Variants in MACROD2 observed in about 807,000 individuals in gnomAD.
MACROD2 encodes the protein ADP-ribose glycohydrolase MACROD2.
A neutral mutation model predicts 70.4 loss-of-function variants in MACROD2; 36 were observed. The ratio of observed to expected loss-of-function variants is 0.51; its 90% CI spans 0.39 to 0.68. The LOEUF is 0.68. Among genes scored for constraint, MACROD2 ranks in the 30% least tolerant of loss-of-function variants. The probability of loss-of-function intolerance (pLI) is 0.00; values close to 1 mark genes in which losing one functional copy is unlikely to be tolerated. For missense variants in MACROD2, 496 were observed against 538.4 expected (o/e 0.92, Z 0.78); for synonymous variants, 172 against 178.8 (o/e 0.96, Z 0.30).
At chr20:15,683,733 C>T (rs557270805) in intron 8 of MACROD2, among the ~76,000 whole-genome samples, 3 of 152,180 alleles carry the variant, frequency 2.0e-5, no homozygotes, top group African/African-American at 7.2e-5. Context: ...CATGTACCAC[C>T]ACGCCCAGCT....
chr20:14,688,255 T>C (rs1184947979), intron 5 of MACROD2, among the ~76,000 whole-genome samples: 1 of 152,198 alleles, frequency 6.6e-6, no homozygotes, highest in African/African-American at 2.4e-5. Flanking sequence ...AATATCTTCA[T>C]GCATCAGCAA....
chr20:15,718,461 A>C (rs983883933), intron 8 of MACROD2, among the ~76,000 whole-genome samples: 1 of 152,182 alleles, frequency 6.6e-6, no homozygotes, highest in African/African-American at 2.4e-5. Flanking sequence ...CGAGGACATG[A>C]AGTTATTTTG....
chr20:14,088,394 A>G (rs910939722), intron 3 of MACROD2, among the ~76,000 whole-genome samples: 3 of 151,876 alleles, frequency 2.0e-5, no homozygotes, highest in Non-Finnish European at 4.4e-5. Flanking sequence ...ACATCAATAT[A>G]TATAGACACA....
intron 5 of MACROD2, among the ~76,000 whole-genome samples, chr20:15,102,980 C>T (rs374363): frequency 0.82 from 125,149 of 152,074 alleles, 52,546 homozygotes; most frequent in Non-Finnish European, 0.9. Context: ...ATGTTTAAAA[C>T]ATACAGTGAT....
chr20:14,436,451 G>C (rs1284542300), intron 3 of MACROD2, among the ~76,000 whole-genome samples: 5 of 152,160 alleles, frequency 3.3e-5, no homozygotes, highest in African/African-American at 1.2e-4. Context: ...TTTGCTGGCT[G>C]TAAATTATGT....
At chr20:14,071,278 T>TTTTTTA (rs2053837190) in intron 2 of MACROD2, among the ~76,000 whole-genome samples, 4 of 133,376 alleles carry the variant, frequency 3.0e-5, no homozygotes, top group Admixed American at 7.8e-5. Context: ...TTTTTTTTTT[T>TTTTTTA]GAGATGGAGT....
chr20:15,670,758 A>G (rs924422294), intron 8 of MACROD2, among the ~76,000 whole-genome samples: 1 of 152,200 alleles, frequency 6.6e-6, no homozygotes, highest in Non-Finnish European at 1.5e-5. Flanking sequence ...ATTCATATAT[A>G]TCATATCAAC....
rs141814255 is a variant in MACROD2 at position 15,981,039 on chromosome 20, C to T, written c.986-5688C>T. Among the ~76,000 whole-genome samples, 917 of 152,262 alleles carry T rather than the reference C, an allele frequency of 6.0e-3. 10 individuals are homozygous for T. Among genetic ancestry groups the T allele is most frequent in the Middle Eastern group, 0.017 (5 of 294 alleles). ...TTTTTAATTACTTATGGCTATGCTT[C>T]GTTTTCCGCAGGAAGCATAGACAGG... On this transcript the variant is annotated intron_variant, in intron 13 of 17. Transcript: ENST00000684519.
chr20:15,210,944 G>A (rs2076758197), intron 5 of MACROD2, among the ~76,000 whole-genome samples: 1 of 152,148 alleles, frequency 6.6e-6, no homozygotes, highest in South Asian at 2.1e-4. Flanking sequence ...TTTCTTTATA[G>A]CAGTACGAGA....
At chr20:14,377,624 C>T (rs1339832242) in intron 3 of MACROD2, among the ~76,000 whole-genome samples, 22 of 152,164 alleles carry the variant, frequency 1.4e-4, no homozygotes, top group Admixed American at 6.5e-4. Flanking sequence ...TCTTCACGTG[C>T]AGATCTTTTT....
At chr20:14,307,200 A>G (rs778672089) in intron 3 of MACROD2, among the ~76,000 whole-genome samples, 12 of 152,156 alleles carry the variant, frequency 7.9e-5, no homozygotes, top group Non-Finnish European at 1.0e-4. Context: ...TATTAATTTA[A>G]TAAAGTTGAC....
At chr20:14,287,421 T>A (rs887242262) in intron 3 of MACROD2, among the ~76,000 whole-genome samples, 2 of 147,614 alleles carry the variant, frequency 1.4e-5, no homozygotes, top group Non-Finnish European at 3.0e-5. Flanking sequence ...ATGATCATGG[T>A]GATGATGATC....
chr20:15,432,496 C>T (rs546150837), intron 7 of MACROD2, among the ~76,000 whole-genome samples: 1 of 152,126 alleles, frequency 6.6e-6, no homozygotes, highest in African/African-American at 2.4e-5. Context: ...TAAACTAGAC[C>T]ATCTGCACAA....
At chr20:15,130,790 A>T (rs947841157) in intron 5 of MACROD2, among the ~76,000 whole-genome samples, 3 of 152,208 alleles carry the variant, frequency 2.0e-5, no homozygotes, top group African/African-American at 7.2e-5. Context: ...TATCTCTGTT[A>T]TATCTGAGGA....
chr20:16,014,353 T>C (rs2066902335), intron 15 of MACROD2, among the ~76,000 whole-genome samples: 1 of 152,238 alleles, frequency 6.6e-6, no homozygotes, highest in Non-Finnish European at 1.5e-5. Context: ...AGCTGCAGTG[T>C]ATATTCTCCG....
chr20:14,952,263 T>A (rs2074482139), intron 5 of MACROD2, among the ~76,000 whole-genome samples: 1 of 152,110 alleles, frequency 6.6e-6, no homozygotes, highest in African/African-American at 2.4e-5. Context: ...CCTGATGCTG[T>A]TTAATTACAT....
At chr20:14,119,239 C>T (rs2054552645) in intron 3 of MACROD2, among the ~76,000 whole-genome samples, 3 of 135,410 alleles carry the variant, frequency 2.2e-5, no homozygotes, top group African/African-American at 5.5e-5. Flanking sequence ...GCGATCTTGG[C>T]TCACTGCAAC....
intron 3 of MACROD2, chr20:14,128,108 T>C: frequency 1.8e-6 from 1 of 546,278 alleles, no homozygotes; most frequent in Non-Finnish European, 3.6e-6. Context: ...TGTGTGCTTG[T>C]TCACCAGAGA....
chr20:14,176,126 A>T (rs1402402715), intron 3 of MACROD2, among the ~76,000 whole-genome samples: 1 of 152,184 alleles, frequency 6.6e-6, no homozygotes, highest in South Asian at 2.1e-4. Context: ...AAAATGTAGA[A>T]TCCAGAATGA....
Sources: gnomAD v4.1 joint callset for allele counts (sites outside exome capture counted in the v4.1 genomes callset) on GRCh38, gnomAD v4.1.1 for gene constraint, MANE v1.5 for transcripts, NCBI Gene and HGNC (gene_info 2026-07-23, HGNC 2026-07-21) for gene names.